Variants in RPS6KL1 observed in about 807,000 individuals in gnomAD.
RPS6KL1 encodes ribosomal protein S6 kinase like 1, also known as ribosomal protein S6 kinase-like 1.
A neutral mutation model predicts 57.0 loss-of-function variants in RPS6KL1; 41 were observed. That is an observed-to-expected ratio of 0.72 (90% CI 0.56 to 0.93). The LOEUF (loss-of-function observed/expected upper bound fraction) is 0.93. Ranked by LOEUF, RPS6KL1 falls within the 40% of genes least tolerant of loss-of-function variation. The pLI is 0.00. For missense variants in RPS6KL1, 697 were observed against 727.7 expected (o/e 0.96, Z 0.49); for synonymous variants, 287 against 309.7 (o/e 0.93, Z 0.77).
intron 5 of RPS6KL1, 74 bp from the exon 6 acceptor site, chr14:74,911,915 TC>T: frequency 7.6e-7 from 1 of 1,319,672 alleles, no homozygotes; most frequent in Non-Finnish European, 1.1e-6. Context: ...CCTGACCCCC[TC>T]CCAGGTTCCT....
chr14:74,908,738 G>T, intron 10 of RPS6KL1, 112 bp downstream of exon 10: 1 of 920,082 alleles, frequency 1.1e-6, no homozygotes, highest in Non-Finnish European at 1.8e-6. Context: ...GGGCAGTTGT[G>T]CTGGTAGGAC....
intron 5 of RPS6KL1, among the ~76,000 whole-genome samples, chr14:74,916,456 C>G: frequency 6.6e-6 from 1 of 152,166 alleles, no homozygotes; most frequent in East Asian, 1.9e-4. Context: ...GAGGCCTAAA[C>G]GGAGGTGGAG....
intron 3 of RPS6KL1, 44 bp downstream of exon 3, chr14:74,921,233 G>A (rs1233562092): frequency 1.1e-6 from 1 of 930,792 alleles, no homozygotes; most frequent in African/African-American, 1.6e-5. Context: ...CCCTGCACTG[G>A]CCCTTCCCCA....
rs1307035324 is a variant in RPS6KL1, at chr14:74,906,401, A to AT, written c.*612dup. ...CACAAGATAGGGGGCATGGTCAGGA[A>AT]TCGGGGGTGGGGGGGTGGGGGTGGG... On this transcript the variant is annotated 3_prime_UTR_variant, in exon 12 of 12. Transcript: ENST00000557413. The AT allele has an allele frequency of 1.9e-5, 4 of 213,038 alleles. No homozygotes were observed. In the African/African-American group the frequency reaches 6.0e-4, roughly 32 times the overall value. The allele number at this position is 213,038 out of a possible 1,614,324, so 13.2% of individuals were successfully genotyped here. A position where few individuals can be genotyped will look rare whatever the true frequency, so the allele number is the denominator to read the frequency against.
intron 10 of RPS6KL1, 59 bp from the exon 11 acceptor site, chr14:74,907,589 G>T: frequency 2.0e-6 from 3 of 1,474,850 alleles, no homozygotes; most frequent in Non-Finnish European, 2.7e-6. Flanking sequence ...CTACACTCCA[G>T]TGGCAGCCAG....
In RPS6KL1 at chr14:74,911,367, C is replaced by T; in HGVS notation, c.545G>A (p.Cys182Tyr). Residue 182 changes from cysteine (C) to tyrosine (Y), a missense_variant, in exon 7 of 12, where the codon TGC becomes TAC. Transcript: ENST00000557413. ...CAGCCGCTCCCTGCTCACCATGTGG[C>T]ACCTGGGTAGGCTCTGGGAGCAGCA... Reference protein sequence around the residue: ...GTFVVKSLPRCHMVSRERLTI... With the variant: ...GTFVVKSLPRYHMVSRERLTI... The T allele has an allele frequency of 6.2e-7, 1 of 1,607,496 alleles. No homozygotes were observed. The highest frequency in any genetic ancestry group is 1.1e-5 in the South Asian group (1 of 91,064).
intron 5 of RPS6KL1, among the ~76,000 whole-genome samples, chr14:74,912,372 CAGAGA>C (rs1283862405): frequency 6.6e-6 from 1 of 151,644 alleles, no homozygotes; most frequent in East Asian, 1.9e-4. Context: ...ACCTGGACCC[CAGAGA>C]TCAGCTGAGA....
chr14:74,907,404 A>G lies in RPS6KL1; in HGVS notation c.1539+31T>C, dbSNP rs946276053. The stretch of plus-strand genomic sequence containing the variant: ...TCCCAGCACCTTCCTCAGGCTAGGC[A>G]GCTGCTTCCTCTGGCCGGGCTACAC... On this transcript the variant is annotated intron_variant, in intron 11 of 11. Coordinates refer to ENST00000557413, the MANE Select transcript of RPS6KL1 (RefSeq NM_031464.5). 5.2e-6 allele frequency: 8 copies of G among 1,550,324 alleles called. No homozygotes were observed. The African/African-American group carries it at 1.1e-4, about 21-fold the overall frequency.
rs1884964271 is a variant in RPS6KL1 at position 74,906,832 on chromosome 14, C to G, written c.*182G>C. The G allele has an allele frequency of 2.7e-6, 2 of 737,592 alleles. No individual in the cohort carries two copies. Among genetic ancestry groups the G allele is most frequent in the Admixed American group, 3.8e-5 (2 of 52,848 alleles). The allele number at this position is 737,592 out of a possible 1,614,324, so 45.7% of individuals were successfully genotyped here. A position where few individuals can be genotyped will look rare whatever the true frequency, so the allele number is the denominator to read the frequency against. ...CCCCCACCTCCAGCTTTTCCAGGAG[C>G]TGGCCCTTCCTGGGTGGTGGCCATA... On this transcript the variant is annotated 3_prime_UTR_variant, in exon 12 of 12. Transcript: ENST00000557413.
chr14:74,916,404 C>T (rs1467582811), intron 5 of RPS6KL1, among the ~76,000 whole-genome samples: 3 of 152,110 alleles, frequency 2.0e-5, no homozygotes, highest in African/African-American at 4.8e-5. Context: ...AAATAGAATG[C>T]GGCGGGCCAC....
intron 7 of RPS6KL1, chr14:74,910,852 C>A (rs2003490): frequency 0.33 from 65,999 of 202,940 alleles, 12,894 homozygotes; most frequent in East Asian, 0.51. Context: ...GCAAGCTCCG[C>A]CCCTCCCCAG....
chr14:74,921,174 C>G (rs1461079709), intron 3 of RPS6KL1, 103 bp downstream of exon 3: 1 of 1,029,614 alleles, frequency 9.7e-7, no homozygotes, highest in Non-Finnish European at 1.4e-6. Flanking sequence ...GTGCCGTGCT[C>G]ACTCAGTACA....
chr14:74,921,238 T>TCCCCCCCCCCCCCCCCCCCCC, intron 3 of RPS6KL1, 39 bp downstream of exon 3: 3 of 840,110 alleles, frequency 3.6e-6, no homozygotes, highest in Non-Finnish European at 4.1e-6. Context: ...CACTGGCCCT[T>TCCCCCCCCCCCCCCCCCCCCC]CCCCACCCAC....
At position 74,907,062 on chromosome 14, in the gene RPS6KL1, C is replaced by G; in HGVS notation, c.1602G>C (p.Lys534Asn). 1 of 1,613,850 alleles carries G rather than the reference C, an allele frequency of 6.2e-7. No individual in the cohort carries two copies. The highest frequency in any genetic ancestry group is 1.1e-5 in the South Asian group (1 of 90,990). The change falls in exon 12 of 12, where the codon AAG becomes AAC. Residue 534 changes from lysine (K) to asparagine (N), a missense_variant. Lys to Asn is a moderately conservative substitution (Grantham distance 94). Transcript: ENST00000557413. Reference protein sequence around the residue: ...GMGEGGVSKLKSHPFFSTIQW... With the variant: ...GMGEGGVSKLNSHPFFSTIQW... The stretch of plus-strand genomic sequence containing the variant: ...GGATGGTACTGAAAAAGGGATGGGA[C>G]TTGAGTTTGCTGACACCACCTTCTC...
chr14:74,916,539 A>C lies in RPS6KL1; in HGVS notation c.483+1974T>G, dbSNP rs78594934. ...GATCTCTCTACAAAAAATAGAAGAC[A>C]ATAGCAGGGCTTGAGACTGTGGTCC... On this transcript the variant is annotated intron_variant, in intron 5 of 11. Transcript: ENST00000557413. Among the ~76,000 whole-genome samples, 1,507 of 152,262 alleles carry C rather than the reference A, an allele frequency of 9.9e-3. 25 individuals carry two copies. Among genetic ancestry groups the C allele is most frequent in the African/African-American group, 0.035 (1,443 of 41,532 alleles).
intron 10 of RPS6KL1, among the ~76,000 whole-genome samples, chr14:74,908,367 C>G (rs1004480043): frequency 6.6e-6 from 1 of 152,128 alleles, no homozygotes; most frequent in Non-Finnish European, 1.5e-5. Flanking sequence ...ACACAGGTTC[C>G]CGGAGTGTTT....
chr14:74,906,404 GGGGGTGGGGGGGT>G lies in RPS6KL1; in HGVS notation c.*597_*609del, dbSNP rs1884826179. 3 of 298,834 alleles carry G rather than the reference GGGGGTGGGGGGGT, an allele frequency of 1.0e-5. No homozygotes were observed. In the African/African-American group the frequency reaches 1.3e-4, roughly 13 times the overall value. The allele number at this position is 298,834 out of a possible 1,614,324, so 18.5% of individuals were successfully genotyped here. A position where few individuals can be genotyped will look rare whatever the true frequency, so the allele number is the denominator to read the frequency against. On this transcript the variant is annotated 3_prime_UTR_variant, in exon 12 of 12. Transcript: ENST00000557413. ...AAGATAGGGGGCATGGTCAGGAATC[GGGGGTGGGGGGGT>G]GGGGGTGGGGGTCATCCTGTCCCCT...
intron 5 of RPS6KL1, among the ~76,000 whole-genome samples, chr14:74,914,192 A>G (rs899702706): frequency 1.2e-4 from 19 of 152,238 alleles, no homozygotes; most frequent in Non-Finnish European, 2.5e-4. Flanking sequence ...CTCTCCTCCA[A>G]CAGCCAGAGA....
intron 5 of RPS6KL1, 80 bp downstream of exon 5, chr14:74,918,433 A>T: frequency 9.6e-7 from 1 of 1,036,516 alleles, no homozygotes; most frequent in Admixed American, 2.3e-5. Flanking sequence ...TGCTTTCAGC[A>T]TATCATGTCT....
Sources: allele counts gnomAD v4.1 joint callset (sites outside exome capture counted in the v4.1 genomes callset), GRCh38; gene constraint gnomAD v4.1.1; transcripts MANE v1.5; gene names NCBI Gene and HGNC (gene_info 2026-07-23, HGNC 2026-07-21).